Variants in FAM117B observed in about 807,000 individuals in gnomAD.
The protein encoded by FAM117B is protein FAM117B.
A neutral mutation model predicts 52.8 loss-of-function variants in FAM117B; 22 were observed. The ratio of observed to expected loss-of-function variants is 0.42; its 90% CI spans 0.30 to 0.59. The LOEUF is 0.59. FAM117B is among the 20% of genes least tolerant of loss of function. The pLI is 0.22. For synonymous variants in FAM117B, 309 were observed against 324.1 expected (o/e 0.95, Z 0.50); for missense variants, 678 against 802.6 (o/e 0.84, Z 1.88).
chr2:202,671,622 A>G (rs530412950), intron 1 of FAM117B, among the ~76,000 whole-genome samples: 54 of 152,376 alleles, frequency 3.5e-4, no homozygotes, highest in African/African-American at 1.2e-3. Flanking sequence ...AATGGGTGGG[A>G]CATTGATAGA....
At chr2:202,689,353 G>T (rs1230719092) in intron 1 of FAM117B, among the ~76,000 whole-genome samples, 3 of 152,076 alleles carry the variant, frequency 2.0e-5, no homozygotes, top group Non-Finnish European at 4.4e-5. Context: ...GAAGTGGGAG[G>T]ATCACTTGAA....
chr2:202,760,353 G>A (rs1471976128), intron 7 of FAM117B, among the ~76,000 whole-genome samples: 1 of 152,182 alleles, frequency 6.6e-6, no homozygotes, highest in Admixed American at 6.5e-5. Flanking sequence ...AGGCTAGGTC[G>A]GAGTTCCTGC....
At chr2:202,703,757 C>G (rs1416377513) in intron 2 of FAM117B, among the ~76,000 whole-genome samples, 3 of 152,210 alleles carry the variant, frequency 2.0e-5, no homozygotes, top group Non-Finnish European at 4.4e-5. Context: ...TACCTTTTGA[C>G]TGTTCTGAAC....
At chr2:202,653,893 A>G (rs1053361372) in intron 1 of FAM117B, among the ~76,000 whole-genome samples, 1 of 152,168 alleles carries the variant, frequency 6.6e-6, no homozygotes, top group Non-Finnish European at 1.5e-5. Flanking sequence ...CATTTCAAGT[A>G]TGCTACTATT....
At position 202,659,758 on chromosome 2, in the gene FAM117B, G is replaced by GCA. The variant is rs1690102701; in HGVS notation, c.601+23976_601+23977dup. Among the ~76,000 whole-genome samples the GCA allele has an allele frequency of 2.0e-5, 3 of 151,628 alleles. No homozygotes were observed. The South Asian group carries it at 6.3e-4, about 32-fold the overall frequency. ...GCCTCCCAAGTAGCTGGGATTACAGGCACACACTACCATGCCCAGTTTTTT... is the reference window on the plus strand; with the variant it reads ...GCCTCCCAAGTAGCTGGGATTACAGGCACACACACTACCATGCCCAGTTTTTT... On this transcript the variant is annotated intron_variant, in intron 1 of 7. Coordinates refer to ENST00000392238, the MANE Select transcript of FAM117B (RefSeq NM_173511.4).
intron 1 of FAM117B, among the ~76,000 whole-genome samples, chr2:202,641,061 C>T (rs1689762289): frequency 1.3e-5 from 2 of 152,196 alleles, no homozygotes. Flanking sequence ...GTGTTATTAA[C>T]AGTGTAATAC....
intron 4 of FAM117B, among the ~76,000 whole-genome samples, chr2:202,748,227 T>G (rs545813829): frequency 6.6e-6 from 1 of 152,270 alleles, no homozygotes; most frequent in South Asian, 2.1e-4. Flanking sequence ...AAAACTGATT[T>G]ATGCAGAAGG....
intron 4 of FAM117B, among the ~76,000 whole-genome samples, 175 bp from the exon 5 acceptor site, chr2:202,755,363 G>C (rs1189333908): frequency 6.6e-6 from 1 of 152,166 alleles, no homozygotes; most frequent in Non-Finnish European, 1.5e-5. Context: ...TGTGGGATTT[G>C]GGTTTTAAAT....
intron 2 of FAM117B, among the ~76,000 whole-genome samples, chr2:202,698,299 T>A (rs1024961444): frequency 6.6e-6 from 1 of 152,250 alleles, no homozygotes; most frequent in African/African-American, 2.4e-5. Flanking sequence ...TGAAACGGAA[T>A]CCTACTGTTA....
At chr2:202,735,607 G>A (rs775409502) in intron 4 of FAM117B, among the ~76,000 whole-genome samples, 2 of 152,088 alleles carry the variant, frequency 1.3e-5, no homozygotes, top group African/African-American at 4.8e-5. Flanking sequence ...TGACAAAACC[G>A]TCAGATGTTT....
At chr2:202,727,848 T>C (rs1450143213) in intron 4 of FAM117B, among the ~76,000 whole-genome samples, 2 of 152,212 alleles carry the variant, frequency 1.3e-5, no homozygotes, top group African/African-American at 4.8e-5. Flanking sequence ...AGTTTGGTAG[T>C]GTCTGATGTT....
chr2:202,656,623 G>C (rs541121920), intron 1 of FAM117B, among the ~76,000 whole-genome samples: 1 of 152,216 alleles, frequency 6.6e-6, no homozygotes, highest in African/African-American at 2.4e-5. Flanking sequence ...CCCAGGATAT[G>C]ATCTACTTTG....
At chr2:202,665,022 A>G (rs1690182045) in intron 1 of FAM117B, among the ~76,000 whole-genome samples, 1 of 152,140 alleles carries the variant, frequency 6.6e-6, no homozygotes, top group African/African-American at 2.4e-5. Flanking sequence ...TTGGTGGGGA[A>G]GAAGGTGCTT....
Position 202,725,010 on chromosome 2 carries a change from G to C in FAM117B, c.846+1G>C. 1 of 1,607,264 alleles carries C rather than the reference G, an allele frequency of 6.2e-7. No homozygotes were observed. The highest frequency in any genetic ancestry group is 8.5e-7 in the Non-Finnish European group (1 of 1,175,814). On this transcript the variant is annotated splice_donor_variant, in intron 3 of 7. Transcript: ENST00000392238. LOFTEE classifies it high-confidence loss of function. ...GGGCAGTACAGATCAACTTAAGGAGGTCAGAAAAATGGTTCTAAGATAGTG... is the reference window on the plus strand; with the variant it reads ...GGGCAGTACAGATCAACTTAAGGAGCTCAGAAAAATGGTTCTAAGATAGTG...
chr2:202,709,156 G>A (rs938593526), intron 2 of FAM117B, among the ~76,000 whole-genome samples: 1 of 150,000 alleles, frequency 6.7e-6, no homozygotes, highest in African/African-American at 2.4e-5. Flanking sequence ...TTGGAGAAAT[G>A]TCTATTCAAG....
intron 4 of FAM117B, among the ~76,000 whole-genome samples, chr2:202,734,794 A>G (rs1691414363): frequency 6.6e-6 from 1 of 152,252 alleles, no homozygotes; most frequent in Admixed American, 6.5e-5. Context: ...TAAAAGATGT[A>G]AACAGACTTG....
chr2:202,763,127 A>G (rs1004708993), intron 7 of FAM117B, among the ~76,000 whole-genome samples: 4 of 140,710 alleles, frequency 2.8e-5, no homozygotes, highest in Non-Finnish European at 6.0e-5. Context: ...GCTGGAGTGC[A>G]GTGGTGTGAT....
At chr2:202,748,299 TAA>T (rs1691665856) in intron 4 of FAM117B, among the ~76,000 whole-genome samples, 1 of 152,066 alleles carries the variant, frequency 6.6e-6, no homozygotes, top group African/African-American at 2.4e-5. Context: ...ATTAAAGCCT[TAA>T]AGGTAAGACC....
chr2:202,736,562 A>G (rs1207524198), intron 4 of FAM117B, among the ~76,000 whole-genome samples: 1 of 152,152 alleles, frequency 6.6e-6, no homozygotes, highest in African/African-American at 2.4e-5. Flanking sequence ...GGAGTTCGAG[A>G]CCAGCCTGGG....
Sources: gnomAD v4.1 joint callset for allele counts (sites outside exome capture counted in the v4.1 genomes callset) on GRCh38, gnomAD v4.1.1 for gene constraint, MANE v1.5 for transcripts, NCBI Gene and HGNC (gene_info 2026-07-23, HGNC 2026-07-21) for gene names.